Variants in PPFIA1 observed in about 807,000 individuals in gnomAD.
The protein encoded by PPFIA1 is PPFI scaffold protein A1, also known as liprin-alpha-1.
A neutral mutation model predicts 149.9 loss-of-function variants in PPFIA1; 25 were observed. The observed-to-expected ratio is 0.17, with a 90% confidence interval of 0.12 to 0.23. PPFIA1 has a LOEUF of 0.23. Among genes scored for constraint, PPFIA1 ranks in the 10% least tolerant of loss-of-function variants. The probability of loss-of-function intolerance (pLI) is 1.00; values close to 1 mark genes in which losing one functional copy is unlikely to be tolerated. For missense variants in PPFIA1, 1,362 were observed against 1,506.5 expected, an observed-to-expected ratio of 0.90 and a Z score of 1.59; for synonymous variants, 549 against 552.8, an observed-to-expected ratio of 0.99 and a Z score of 0.10.
intron 8 of PPFIA1, 100 bp from the exon 9 acceptor site, chr11:70,331,860 C>T: frequency 1.6e-6 from 2 of 1,288,422 alleles, no homozygotes; most frequent in Non-Finnish European, 2.1e-6. Flanking sequence ...TCCATCATGA[C>T]TCTCTTAGTC....
At chr11:70,308,741 G>T (rs1326069420) in intron 2 of PPFIA1, among the ~76,000 whole-genome samples, 4 of 151,950 alleles carry the variant, frequency 2.6e-5, no homozygotes, top group African/African-American at 9.7e-5. Flanking sequence ...AGACCAGTCT[G>T]GGCAACATAA....
intron 8 of PPFIA1, among the ~76,000 whole-genome samples, chr11:70,331,093 TTGG>T (rs1297037471): frequency 1.3e-5 from 2 of 151,920 alleles, no homozygotes; most frequent in East Asian, 3.9e-4. Context: ...TTAGCTGGGC[TTGG>T]TGGCGCGCAT....
In PPFIA1 at chr11:70,292,465, C is replaced by T. The variant is rs188375446; in HGVS notation, c.264+20029C>T. Among the ~76,000 whole-genome samples, 584 of 152,352 alleles carry T rather than the reference C, an allele frequency of 3.8e-3. 6 individuals carry two copies. The highest frequency in any genetic ancestry group is 3.7e-3 in the Non-Finnish European group (252 of 68,032). ...AGCTGGACTCGCATGTCCCCTTTCC[C>T]TTGTTACCTTTGTCACGTTCCCTCA... On this transcript the variant is annotated intron_variant, in intron 2 of 27. Transcript: ENST00000253925.
chr11:70,350,985 A>G (rs1453631754), intron 16 of PPFIA1: 1 of 1,255,402 alleles, frequency 8.0e-7, no homozygotes, highest in South Asian at 1.4e-5. Flanking sequence ...CTTTGCATGC[A>G]TCTATCAGCC....
At chr11:70,280,959 A>G (rs530796520) in intron 2 of PPFIA1, among the ~76,000 whole-genome samples, 50 of 152,182 alleles carry the variant, frequency 3.3e-4, no homozygotes, top group African/African-American at 1.2e-3. Context: ...CCATAGATTG[A>G]GTTCTTAATT....
chr11:70,318,881 T>G (rs1164596698), intron 2 of PPFIA1, among the ~76,000 whole-genome samples: 2 of 152,236 alleles, frequency 1.3e-5, no homozygotes, highest in Admixed American at 1.3e-4. Flanking sequence ...CCTAGCCTCT[T>G]TTGCTGATGC....
chr11:70,272,063 A>T, intron 1 of PPFIA1, 110 bp from the exon 2 acceptor site: 1 of 1,196,242 alleles, frequency 8.4e-7, no homozygotes. Flanking sequence ...AACAGATCTG[A>T]GCATAATGAG....
chr11:70,325,006 GA>G lies in PPFIA1; in HGVS notation c.530del (p.Lys177ArgfsTer2). ...SLFEHHKALD[E>X]KVRERLRVAL... ...ATTTGAACACCACAAAGCTCTGGAT[GA>G]AAAGGTGCCATCAGCCACATAAGTC... On this transcript the variant is annotated frameshift_variant, in exon 4 of 28. Coordinates refer to ENST00000253925, the MANE Select transcript of PPFIA1 (RefSeq NM_003626.5). LOFTEE classifies it high-confidence loss of function. 1.9e-6 allele frequency: 3 copies of G among 1,605,112 alleles called. No homozygotes were observed. Among genetic ancestry groups the G allele is most frequent in the Admixed American group, 1.8e-5 (1 of 56,902 alleles).
intron 21 of PPFIA1, among the ~76,000 whole-genome samples, chr11:70,363,925 T>G (rs1054039052): frequency 4.6e-5 from 7 of 151,128 alleles, no homozygotes; most frequent in African/African-American, 1.7e-4. Context: ...GGGTCTCACT[T>G]TGTTGCCTAG....
At chr11:70,378,793 A>G (rs1349672824) in intron 26 of PPFIA1, among the ~76,000 whole-genome samples, 4 of 152,220 alleles carry the variant, frequency 2.6e-5, no homozygotes, top group Admixed American at 6.5e-5. Flanking sequence ...AGAGAGCATC[A>G]CTGCCATGAT....
rs545666786 is a variant in PPFIA1, at chr11:70,326,808, A to T, written c.920A>T (p.Asp307Val). The change falls in exon 7 of 28, where the codon GAT becomes GTT. Residue 307 changes from aspartate to valine, a missense_variant. Asp to Val is a radical substitution (Grantham distance 152, BLOSUM62 -3). Coordinates refer to ENST00000253925, the MANE Select transcript of PPFIA1 (RefSeq NM_003626.5). Reference protein sequence around the residue: ...SEEMNTKLQRDVREAMAQKED... With the variant: ...SEEMNTKLQRVVREAMAQKED... ...GAAATGAACACAAAATTGCAACGAG[A>T]TGTCCGTGAAGTGAGCAATAACAAA... 1.2e-6 allele frequency: 2 copies of T among 1,613,496 alleles called. No individual in the cohort carries two copies. The highest frequency in any genetic ancestry group is 1.1e-5 in the South Asian group (1 of 91,056).
intron 7 of PPFIA1, among the ~76,000 whole-genome samples, chr11:70,329,437 G>A (rs1215098476): frequency 6.6e-6 from 1 of 151,954 alleles, no homozygotes; most frequent in Non-Finnish European, 1.5e-5. Flanking sequence ...TTAATTTTGA[G>A]GACATTATTA....
chr11:70,331,842 G>A, intron 8 of PPFIA1, 118 bp from the exon 9 acceptor site: 2 of 1,162,436 alleles, frequency 1.7e-6, no homozygotes, highest in Non-Finnish European at 2.3e-6. Context: ...TCCCATCACT[G>A]TAGCTCTTCC....
chr11:70,279,721 A>AGG (rs1363239505), intron 2 of PPFIA1, among the ~76,000 whole-genome samples: 12 of 123,462 alleles, frequency 9.7e-5, no homozygotes, highest in South Asian at 7.8e-4. Flanking sequence ...GTATGTGTCT[A>AGG]GGTGTGTGTG....
At chr11:70,295,254 C>T (rs1490786551) in intron 2 of PPFIA1, among the ~76,000 whole-genome samples, 8 of 142,588 alleles carry the variant, frequency 5.6e-5, no homozygotes, top group Non-Finnish European at 7.6e-5. Context: ...ACCTCCCTCC[C>T]GGACGGGGTG....
At chr11:70,281,109 C>T (rs933640748) in intron 2 of PPFIA1, among the ~76,000 whole-genome samples, 9 of 152,082 alleles carry the variant, frequency 5.9e-5, no homozygotes, top group Admixed American at 4.6e-4. Context: ...GGGTCACCTC[C>T]GGATCCATTT....
Position 70,289,558 on chromosome 11 carries a change from T to C in PPFIA1, c.264+17122T>C, listed in dbSNP as rs1346056667. Among the ~76,000 whole-genome samples, 5 of 152,234 alleles carry C rather than the reference T, an allele frequency of 3.3e-5. No individual in the cohort carries two copies. The East Asian group carries it at 9.6e-4, about 29-fold the overall frequency. ...TCTTTTGGCTTTAGAAATAAATACATCTTAAGAATATATAGTTAGAGTAAT... is the reference window on the plus strand; with the variant it reads ...TCTTTTGGCTTTAGAAATAAATACACCTTAAGAATATATAGTTAGAGTAAT... On this transcript the variant is annotated intron_variant, in intron 2 of 27. Transcript: ENST00000253925.
At chr11:70,324,072 G>A (rs1196400104) in intron 2 of PPFIA1, among the ~76,000 whole-genome samples, 1 of 152,238 alleles carries the variant, frequency 6.6e-6, no homozygotes, top group African/African-American at 2.4e-5. Flanking sequence ...CATTTAAAAT[G>A]TCTTCATTCA....
Position 70,274,572 on chromosome 11 carries a change from G to T in PPFIA1, c.264+2136G>T, listed in dbSNP as rs550835317. Among the ~76,000 whole-genome samples the T allele has an allele frequency of 2.6e-5, 4 of 152,308 alleles. No individual in the cohort carries two copies. The South Asian group carries it at 8.3e-4, about 32-fold the overall frequency. On this transcript the variant is annotated intron_variant, in intron 2 of 27. Transcript: ENST00000253925. Reference sequence around the variant, plus strand: ...GTCGTCAGCATCATGTTTGTGAGATGCAGCTTGCTCATTCTCACCTGCTCT... The same window carrying T: ...GTCGTCAGCATCATGTTTGTGAGATTCAGCTTGCTCATTCTCACCTGCTCT...
Sources: allele counts gnomAD v4.1 joint callset (sites outside exome capture counted in the v4.1 genomes callset), GRCh38; gene constraint gnomAD v4.1.1; transcripts MANE v1.5; gene names NCBI Gene and HGNC (gene_info 2026-07-23, HGNC 2026-07-21).